Variants in KCNK2 observed in about 807,000 individuals in gnomAD.
KCNK2 encodes the protein potassium two pore domain channel subfamily K member 2, also known as potassium channel subfamily K member 2.
Under a neutral mutation model 40.5 loss-of-function variants are expected in KCNK2, and 21 were observed. The ratio of observed to expected loss-of-function variants is 0.52; its 90% CI spans 0.37 to 0.75. KCNK2 has a LOEUF of 0.75. Ranked by LOEUF, KCNK2 falls within the 30% of genes least tolerant of loss-of-function variation. The probability of loss-of-function intolerance (pLI) is 0.00; values close to 1 mark genes in which losing one functional copy is unlikely to be tolerated. For missense variants in KCNK2, 399 were observed against 531.6 expected, an observed-to-expected ratio of 0.75 and a Z score of 2.45; for synonymous variants, 191 against 202.2, an observed-to-expected ratio of 0.94 and a Z score of 0.47.
At chr1:215,210,575 C>T (rs1055772140) in intron 6 of KCNK2, among the ~76,000 whole-genome samples, 3 of 151,978 alleles carry the variant, frequency 2.0e-5, no homozygotes, top group African/African-American at 7.2e-5. Context: ...TTTGTTTGTT[C>T]ATAGACATGG....
chr1:215,067,056 G>T (rs79972519), intron 1 of KCNK2, among the ~76,000 whole-genome samples: 1,758 of 151,988 alleles, frequency 0.012, 38 homozygotes, highest in South Asian at 0.098. Context: ...AGAGGGGAAA[G>T]AAAAAAACGA....
chr1:215,023,110 G>A (rs919921859), intron 1 of KCNK2, among the ~76,000 whole-genome samples: 4 of 152,116 alleles, frequency 2.6e-5, no homozygotes, highest in East Asian at 1.9e-4. Flanking sequence ...TGAGCCTTTC[G>A]TTTTAATGGA....
At chr1:215,082,423 C>G (rs548553701), upstream of KCNK2, among the ~76,000 whole-genome samples, 88 of 152,214 alleles carry the variant, frequency 5.8e-4, no homozygotes, top group Middle Eastern at 0.01. Flanking sequence ...TGGTCCCACA[C>G]CCGGTCCCAC....
chr1:215,104,861 T>G (rs940615990), intron 2 of KCNK2, among the ~76,000 whole-genome samples: 1 of 152,106 alleles, frequency 6.6e-6, no homozygotes, highest in Non-Finnish European at 1.5e-5. Flanking sequence ...GGGTTTTTTT[T>G]CTAGGCAAAT....
At chr1:215,234,072 G>T (rs575469569) in intron 6 of KCNK2, among the ~76,000 whole-genome samples, 3 of 152,308 alleles carry the variant, frequency 2.0e-5, no homozygotes, top group Admixed American at 2.0e-4. Context: ...CTGTTCTACA[G>T]CTGAGGAGGT....
intron 3 of KCNK2, among the ~76,000 whole-genome samples, chr1:215,139,771 C>T (rs1432625030): frequency 2.0e-5 from 3 of 151,934 alleles, no homozygotes; most frequent in Non-Finnish European, 4.4e-5. Context: ...TGAGTTAATC[C>T]AGTACCAGTT....
At chr1:215,116,677 G>A (rs974784154) in intron 2 of KCNK2, among the ~76,000 whole-genome samples, 7 of 152,016 alleles carry the variant, frequency 4.6e-5, no homozygotes, top group African/African-American at 9.7e-5. Context: ...ACTTTTAGAC[G>A]TGCTTCCTTA....
At chr1:215,084,237 C>T (rs1321054061) in intron 1 of KCNK2, among the ~76,000 whole-genome samples, 1 of 142,606 alleles carries the variant, frequency 7.0e-6, no homozygotes, top group African/African-American at 2.6e-5. Context: ...AATACCTGCC[C>T]CTTTCCCCAA....
rs1444034821 is a variant in KCNK2 at position 215,082,825 on chromosome 1, C to T, written c.-561C>T. 6.6e-6 allele frequency among the ~76,000 whole-genome samples: 1 copy of T among 152,038 alleles called. No individual in the cohort carries two copies. Among genetic ancestry groups the T allele is most frequent in the Admixed American group, 6.5e-5 (1 of 15,284 alleles). On this transcript the variant is annotated 5_prime_UTR_variant, in exon 1 of 7. Transcript: ENST00000444842. ...CTGCGGGCGCCCGGACCGTGCCACA[C>T]ACCCCCCGCGGGGCACGGAGGGCAT...
At chr1:215,148,874 C>A (rs1187390806) in intron 3 of KCNK2, among the ~76,000 whole-genome samples, 2 of 152,042 alleles carry the variant, frequency 1.3e-5, no homozygotes, top group Non-Finnish European at 2.9e-5. Context: ...GAAGGTCCAC[C>A]CTTGTGTCAG....
chr1:215,221,021 G>A (rs530047364), intron 6 of KCNK2, among the ~76,000 whole-genome samples: 3 of 152,310 alleles, frequency 2.0e-5, no homozygotes, highest in African/African-American at 7.2e-5. Context: ...GGAGTGAGGG[G>A]CACTGACCCC....
intron 6 of KCNK2, among the ~76,000 whole-genome samples, chr1:215,219,854 G>A (rs1666102843): frequency 6.6e-6 from 1 of 152,118 alleles, no homozygotes; most frequent in Non-Finnish European, 1.5e-5. Context: ...GCCACTGGGA[G>A]CCCCTTGAAA....
At chr1:215,005,689 A>G (rs1372374681), upstream of KCNK2, 2 of 450,536 alleles carry the variant, frequency 4.4e-6, no homozygotes, top group Admixed American at 3.9e-5. Flanking sequence ...CTGTAAAAAC[A>G]GAGGATTTGA....
At chr1:215,031,451 C>T (rs776446613) in intron 1 of KCNK2, among the ~76,000 whole-genome samples, 2 of 152,122 alleles carry the variant, frequency 1.3e-5, no homozygotes, top group African/African-American at 4.8e-5. Flanking sequence ...TTTAGGCTTA[C>T]ACCTAAATAT....
chr1:215,216,035 G>A (rs1665944467), intron 6 of KCNK2, among the ~76,000 whole-genome samples: 1 of 152,204 alleles, frequency 6.6e-6, no homozygotes, highest in Non-Finnish European at 1.5e-5. Flanking sequence ...ACAGTGAGCA[G>A]CATTTCTGTA....
At chr1:215,176,841 T>G (rs1393452305) in intron 5 of KCNK2, among the ~76,000 whole-genome samples, 1 of 152,244 alleles carries the variant, frequency 6.6e-6, no homozygotes, top group Non-Finnish European at 1.5e-5. Context: ...TATATTCCTT[T>G]GGGTATACAC....
intron 5 of KCNK2, among the ~76,000 whole-genome samples, chr1:215,178,713 G>A (rs1664096429): frequency 6.6e-6 from 1 of 152,128 alleles, no homozygotes; most frequent in Non-Finnish European, 1.5e-5. Flanking sequence ...AAGTCTACCT[G>A]ATCATGTTGA....
chr1:215,224,652 T>C (rs1205535950), intron 6 of KCNK2, among the ~76,000 whole-genome samples: 3 of 152,258 alleles, frequency 2.0e-5, no homozygotes, highest in East Asian at 3.9e-4. Context: ...GGAGTAGAGC[T>C]AGAGGGAGCC....
At chr1:215,163,492 G>A (rs1204090725) in intron 3 of KCNK2, among the ~76,000 whole-genome samples, 1 of 152,120 alleles carries the variant, frequency 6.6e-6, no homozygotes, top group African/African-American at 2.4e-5. Flanking sequence ...TCCTTGTCTT[G>A]TGCCGGTTTT....
Sources: gnomAD v4.1 joint callset for allele counts (sites outside exome capture counted in the v4.1 genomes callset) on GRCh38, gnomAD v4.1.1 for gene constraint, MANE v1.5 for transcripts, NCBI Gene and HGNC (gene_info 2026-07-23, HGNC 2026-07-21) for gene names.